Variants in NHS observed in about 807,000 individuals in gnomAD.
NHS encodes the protein NHS actin remodeling regulator, also known as actin remodeling regulator NHS.
A neutral mutation model predicts 72.5 loss-of-function variants in NHS; 5 were observed. The observed-to-expected ratio is 0.07, with a 90% CI of 0.04 to 0.14. The LOEUF is 0.14. Among genes scored for constraint, NHS ranks in the 10% least tolerant of loss-of-function variants. NHS has a pLI of 1.00. For missense variants in NHS, 1,072 were observed against 1,355.7 expected (o/e 0.79, Z 3.29); for synonymous variants, 464 against 547.7 (o/e 0.85, Z 2.13).
At chrX:17,528,789 T>G (rs190072272) in intron 1 of NHS, 7 of 112,056 alleles carry the variant, frequency 6.2e-5, no homozygotes, top group Non-Finnish European at 1.3e-4. Context: ...GAATGCCCCA[T>G]TTCTCAAATA....
intron 1 of NHS, among the ~76,000 whole-genome samples, chrX:17,430,263 CT>C (rs1491181197): frequency 9.2e-5 from 1 of 10,860 alleles, no homozygotes; most frequent in South Asian, 0.01. Flanking sequence ...CTTTCTTTTT[CT>C]TTCTTTCTTT....
At chrX:17,525,625 TTTTC>T (rs1361627208) in intron 1 of NHS, among the ~76,000 whole-genome samples, 3 of 105,999 alleles carry the variant, frequency 2.8e-5, no homozygotes, top group Non-Finnish European at 3.8e-5. Flanking sequence ...TTGTTTTCTT[TTTTC>T]TTTCTTTTCT....
intron 1 of NHS, among the ~76,000 whole-genome samples, chrX:17,607,697 T>G (rs1488252257): frequency 9.0e-6 from 1 of 111,310 alleles, no homozygotes; most frequent in Non-Finnish European, 1.9e-5. Flanking sequence ...CTCAATCAAG[T>G]GCTACTGAGC....
chrX:17,731,287 G>C lies in NHS; in HGVS notation c.4350-571G>C, dbSNP rs72616048. Among the ~76,000 whole-genome samples the C allele has an allele frequency of 2.4e-3, 221 of 93,171 alleles. 6 individuals carry two copies. In the East Asian group the frequency reaches 0.075, roughly 32 times the overall value. 80.9% of individuals were successfully genotyped at this position (93,171 alleles called of 115,157 possible). ...TCTTGCTCTGTCGCCCAGGCTGCTGGAGTGCAATGGCGTGATCTCAGCTCA... is the reference window on the plus strand; with the variant it reads ...TCTTGCTCTGTCGCCCAGGCTGCTGCAGTGCAATGGCGTGATCTCAGCTCA... On this transcript the variant is annotated intron_variant, in intron 8 of 8. Transcript: ENST00000676302.
intron 3 of NHS, among the ~76,000 whole-genome samples, chrX:17,715,038 C>T (rs1438669613): frequency 8.9e-6 from 1 of 111,782 alleles, no homozygotes; most frequent in Admixed American, 9.5e-5. Flanking sequence ...AAAAATATTT[C>T]AATGGTTTTT....
chrX:17,561,574 G>GCACGCA (rs2065415281), intron 1 of NHS, among the ~76,000 whole-genome samples: 2 of 65,387 alleles, frequency 3.1e-5, no homozygotes, highest in Non-Finnish European at 5.1e-5. Flanking sequence ...GCGCGCGCGC[G>GCACGCA]CACACACACA....
chrX:17,615,590 A>G (rs1167841348), intron 1 of NHS, among the ~76,000 whole-genome samples: 1 of 110,014 alleles, frequency 9.1e-6, no homozygotes, highest in Non-Finnish European at 1.9e-5. Flanking sequence ...CATGGTCTCC[A>G]TGAGCCCATC....
chrX:17,577,489 G>A (rs1305631281), intron 1 of NHS, among the ~76,000 whole-genome samples: 5 of 111,632 alleles, frequency 4.5e-5, no homozygotes, highest in African/African-American at 1.6e-4. Flanking sequence ...AATGGAATAT[G>A]ATGAATGTCT....
At chrX:17,562,497 G>A (rs550754935) in intron 1 of NHS, among the ~76,000 whole-genome samples, 1 of 111,607 alleles carries the variant, frequency 9.0e-6, no homozygotes, top group African/African-American at 3.3e-5. Flanking sequence ...ACACAGGTAG[G>A]GGTCTTTGGA....
intron 1 of NHS, among the ~76,000 whole-genome samples, chrX:17,577,826 T>G (rs73443692): frequency 0.036 from 4,015 of 111,818 alleles, 188 homozygotes; most frequent in African/African-American, 0.12. Flanking sequence ...TTCCTCTACT[T>G]TCTGTACTTC....
At chrX:17,630,396 A>G (rs913705497) in intron 1 of NHS, among the ~76,000 whole-genome samples, 1 of 108,795 alleles carries the variant, frequency 9.2e-6, no homozygotes, top group Admixed American at 9.9e-5. Flanking sequence ...CACAACTCCT[A>G]GCAGGTTGGA....
chrX:17,536,286 C>T (rs1321250992), intron 1 of NHS, among the ~76,000 whole-genome samples: 7 of 112,364 alleles, frequency 6.2e-5, no homozygotes, highest in African/African-American at 1.6e-4. Flanking sequence ...ACCTGGGAGG[C>T]GGAGCTTGCA....
intron 1 of NHS, among the ~76,000 whole-genome samples, chrX:17,616,101 C>G (rs774417133): frequency 8.9e-6 from 1 of 112,190 alleles, no homozygotes; most frequent in African/African-American, 3.2e-5. Context: ...ACAGAGTGAG[C>G]GATATCCCTG....
chrX:17,664,361 G>A (rs527392482), intron 1 of NHS, among the ~76,000 whole-genome samples: 14 of 111,465 alleles, frequency 1.3e-4, no homozygotes, highest in African/African-American at 3.6e-4. Context: ...CCTAATTACC[G>A]GTTGTGTATG....
chrX:17,559,819 G>A (rs146678629), intron 1 of NHS, among the ~76,000 whole-genome samples: 2,014 of 111,024 alleles, frequency 0.018, 11 homozygotes, highest in Non-Finnish European at 0.027. Flanking sequence ...ACTTAATAGC[G>A]GACATTCTGT....
intron 1 of NHS, among the ~76,000 whole-genome samples, chrX:17,414,722 G>A (rs2064582196): frequency 9.0e-6 from 1 of 111,325 alleles, no homozygotes; most frequent in African/African-American, 3.3e-5. Context: ...TTAGCATGAC[G>A]GCAAAGGGGA....
At chrX:17,480,858 C>T (rs776437500) in intron 1 of NHS, among the ~76,000 whole-genome samples, 6 of 111,040 alleles carry the variant, frequency 5.4e-5, no homozygotes, top group South Asian at 3.8e-4. Flanking sequence ...AAAAAATGCA[C>T]GGCGATTTTG....
intron 3 of NHS, among the ~76,000 whole-genome samples, chrX:17,709,394 C>T (rs2147128001): frequency 9.0e-6 from 1 of 111,484 alleles, no homozygotes; most frequent in East Asian, 2.8e-4. Flanking sequence ...CCACATCACG[C>T]TGGTTCATAT....
At chrX:17,385,558 A>AT (rs1471894176) in intron 1 of NHS, among the ~76,000 whole-genome samples, 1 of 111,306 alleles carries the variant, frequency 9.0e-6, no homozygotes, top group African/African-American at 3.3e-5. Flanking sequence ...TTTTGTTTTC[A>AT]TTTTTTGTGT....
Sources: gnomAD v4.1 joint callset for allele counts (sites outside exome capture counted in the v4.1 genomes callset) on GRCh38, gnomAD v4.1.1 for gene constraint, MANE v1.5 for transcripts, NCBI Gene and HGNC (gene_info 2026-07-23, HGNC 2026-07-21) for gene names.